The following SSC5D variants were observed in gnomAD, a reference collection of about 807,000 sequenced individuals.
SSC5D encodes the protein soluble scavenger receptor cysteine-rich domain-containing protein SSC5D.
Under a neutral mutation model 104.6 loss-of-function variants are expected in SSC5D, and 106 were observed. The ratio of observed to expected loss-of-function variants is 1.01; its 90% confidence interval spans 0.87 to 1.19. The LOEUF (loss-of-function observed/expected upper bound fraction) is 1.19, where lower values mean the gene tolerates loss of function less well. Among genes scored for constraint, SSC5D ranks in the 50% most tolerant of loss-of-function variants. SSC5D has a pLI of 0.00. For synonymous variants in SSC5D, 860 were observed against 883.5 expected (o/e 0.97, Z 0.47); for missense variants, 1,993 against 2,153.8 (o/e 0.93, Z 1.48).
At position 55,501,161 on chromosome 19, in the gene SSC5D, G is replaced by A. The variant is rs558355009; in HGVS notation, c.2745G>A (p.Pro915=). The part of the protein sequence containing the change: ...HTLPWRTTRR[P]GSSSPAIRRL... ...TCCCCTGGAGGACCACCCGGCGCCC[G>A]GGTAGCTCCTCCCCAGCAATAAGGC... The change falls in exon 12 of 14, where the codon CCG becomes CCA. Residue 915 remains proline, a synonymous_variant. Transcript: ENST00000389623. 3.4e-5 allele frequency: 53 copies of A among 1,546,252 alleles called. 1 individual carries two copies. The highest frequency in any genetic ancestry group is 9.6e-5 in the African/African-American group (7 of 72,904).
Position 55,518,748 on chromosome 19 carries a change from T to G in SSC5D, c.4472T>G (p.Val1491Gly), listed in dbSNP as rs924137364. 1.9e-6 allele frequency: 3 copies of G among 1,550,718 alleles called. No individual in the cohort carries two copies. The African/African-American group carries it at 4.1e-5, about 21-fold the overall frequency. Reference protein sequence around the residue: ...RVMACEPPALVELVAAVRDVG... With the variant: ...RVMACEPPALGELVAAVRDVG... ...ATGGCTTGTGAGCCACCTGCCCTGG[T>G]GGAGCTGGTGGCTGCTGTGAGGGAT... The change falls in exon 14 of 14, where the codon GTG becomes GGG. Residue 1491 changes from valine (V) to glycine (G), a missense_variant. Val to Gly is a moderately radical substitution (Grantham distance 109). Around this residue, in one of 6 missense-constraint regions of SSC5D, gnomAD observed 349 missense variants for 397.6 expected, o/e 0.88. Transcript: ENST00000389623.
At chr19:55,494,567 G>A in intron 7 of SSC5D, 43 bp from the exon 8 acceptor site, 1 of 1,464,358 alleles carries the variant, frequency 6.8e-7, no homozygotes, top group Admixed American at 2.5e-5. Flanking sequence ...CTCCGGGATG[G>A]AGGGTGTGTG....
At chr19:55,491,950 C>G (rs12463136) in intron 6 of SSC5D, 41,878 of 152,232 alleles carry the variant, frequency 0.28, 6,051 homozygotes, top group East Asian at 0.58. Flanking sequence ...GGACAGTACA[C>G]GGGCTGCAGG....
At chr19:55,511,580 G>T (rs1456918753) in intron 12 of SSC5D, among the ~76,000 whole-genome samples, 1 of 152,156 alleles carries the variant, frequency 6.6e-6, no homozygotes, top group Non-Finnish European at 1.5e-5. Context: ...TGAATCCCTG[G>T]GCTCATGGGT....
chr19:55,490,430 C>A, intron 5 of SSC5D, 22 bp downstream of exon 5: 1 of 630,592 alleles, frequency 1.6e-6, no homozygotes, highest in Non-Finnish European at 2.5e-6. Context: ...GCAGGCTCCC[C>A]CGACCCCAAG....
At position 55,490,797 on chromosome 19, in the gene SSC5D, C is replaced by G; in HGVS notation, c.612C>G (p.Pro204=). 7 of 1,543,738 alleles carry G rather than the reference C, an allele frequency of 4.5e-6. No homozygotes were observed. The highest frequency in any genetic ancestry group is 6.1e-6 in the Non-Finnish European group (7 of 1,144,818). Residue 204 remains proline, a synonymous_variant, in exon 6 of 14, where the codon CCC becomes CCG. Coordinates refer to ENST00000389623, the MANE Select transcript of SSC5D (RefSeq NM_001144950.2). ...RQERLRLVSG[P]HRCAGRLEVW... Reference sequence around the variant, plus strand: ...AGCGGCTGCGCCTGGTCTCTGGCCCCCACAGGTGCGCCGGACGCCTGGAGG... The same window carrying G: ...AGCGGCTGCGCCTGGTCTCTGGCCCGCACAGGTGCGCCGGACGCCTGGAGG...
At chr19:55,495,216 CATATATAT>C (rs748224114) in intron 8 of SSC5D, among the ~76,000 whole-genome samples, 1 of 8,424 alleles carries the variant, frequency 1.2e-4, no homozygotes, top group African/African-American at 3.3e-4. Context: ...TGCCTCCTTT[CATATATAT>C]ATATATATAT....
chr19:55,501,353 A>G (rs1169563754), intron 12 of SSC5D, among the ~76,000 whole-genome samples, 152 bp downstream of exon 12: 1 of 152,120 alleles, frequency 6.6e-6, no homozygotes, highest in Non-Finnish European at 1.5e-5. Context: ...CCCTAAACGC[A>G]TTACCTCCTT....
chr19:55,488,561 T>C lies in SSC5D; in HGVS notation c.-29T>C, dbSNP rs1310018615. 1 of 1,548,854 alleles carries C rather than the reference T, an allele frequency of 6.5e-7. No homozygotes were observed. Among genetic ancestry groups the C allele is most frequent in the South Asian group, 1.2e-5 (1 of 83,930 alleles). On this transcript the variant is annotated 5_prime_UTR_variant, in exon 1 of 14. Transcript: ENST00000389623. ...TTCTCTCCCCGCTCTCCTTCCCCTT[T>C]CACCCCATCCCCTGCCCTGGCTGCA...
chr19:55,514,628 G>A (rs1014346102), intron 13 of SSC5D, among the ~76,000 whole-genome samples: 4 of 150,300 alleles, frequency 2.7e-5, no homozygotes, highest in African/African-American at 9.8e-5. Context: ...AGAGAGAGAA[G>A]AAGGGAGGAA....
At chr19:55,509,805 G>T (rs1987713613) in intron 12 of SSC5D, among the ~76,000 whole-genome samples, 1 of 137,954 alleles carries the variant, frequency 7.2e-6, no homozygotes, top group Non-Finnish European at 1.5e-5. Context: ...GCTGCAGTGA[G>T]CCGAGATCTT....
In SSC5D at chr19:55,518,179, C is replaced by T; in HGVS notation, c.3903C>T (p.Pro1301=). 1 of 1,452,650 alleles carries T rather than the reference C, an allele frequency of 6.9e-7. No homozygotes were observed. Among genetic ancestry groups the T allele is most frequent in the Non-Finnish European group, 9.2e-7 (1 of 1,089,956 alleles). The allele number at this position is 1,452,650 out of a possible 1,614,324, so 90.0% of individuals were successfully genotyped here. ...TTPHPTTTPH[P]TMTPDPTTTP... is the part of the protein sequence containing the mutation. Reference sequence around the variant, plus strand: ...CTCACCCCACCACAACCCCTCACCCCACCATGACTCCTGACCCCACCACGA... The same window carrying T: ...CTCACCCCACCACAACCCCTCACCCTACCATGACTCCTGACCCCACCACGA... Residue 1301 remains proline (P), a synonymous_variant, in exon 14 of 14, where the codon CCC becomes CCT. Coordinates refer to ENST00000389623, the MANE Select transcript of SSC5D (RefSeq NM_001144950.2).
In SSC5D at chr19:55,517,241, T is replaced by C; in HGVS notation, c.2965T>C (p.Trp989Arg). 6.5e-7 allele frequency: 1 copy of C among 1,540,324 alleles called. No individual in the cohort carries two copies. The highest frequency in any genetic ancestry group is 8.7e-7 in the Non-Finnish European group (1 of 1,146,124). Residue 989 changes from tryptophan to arginine, a missense_variant, in exon 14 of 14, where the codon TGG becomes CGG. This residue lies in a region of SSC5D where 423 missense variants were observed against 409.2 expected (regional missense o/e 1.03). Coordinates refer to ENST00000389623, the MANE Select transcript of SSC5D (RefSeq NM_001144950.2). ...HGDTGSPRKP[W>R]PERRPPRPAA... ...TCCTCCAGGTTCCCCGAGGAAACCG[T>C]GGCCCGAGCGCCGGCCACCGCGGCC...
Position 55,519,009 on chromosome 19 carries a change from G to A in SSC5D, c.*11G>A. 1 of 1,549,638 alleles carries A rather than the reference G, an allele frequency of 6.5e-7. No homozygotes were observed. On this transcript the variant is annotated 3_prime_UTR_variant, in exon 14 of 14. Transcript: ENST00000389623. ...AGGGGAGACGTGTGACCCTCTCCAG[G>A]ATTTGAGGGGCTTAAGACACCCCCA...
At chr19:55,505,880 G>C (rs1015912198) in intron 12 of SSC5D, among the ~76,000 whole-genome samples, 3 of 151,714 alleles carry the variant, frequency 2.0e-5, no homozygotes, top group Non-Finnish European at 4.4e-5. Flanking sequence ...GGGATTACAG[G>C]CGTGTGCCAC....
At chr19:55,492,644 AT>A (rs1242581221) in intron 6 of SSC5D, 1 of 152,096 alleles carries the variant, frequency 6.6e-6, no homozygotes, top group Non-Finnish European at 1.5e-5. Flanking sequence ...TAGAACAGTG[AT>A]TGGGGGCAAT....
rs1987894650 is a variant in SSC5D at position 55,517,329 on chromosome 19, C to G, written c.3053C>G (p.Pro1018Arg). The stretch of plus-strand genomic sequence containing the variant: ...GGTCCCTCCGCCTCTCCGGGACCCC[C>G]AGGCCCAGCGCTGACCTCTGACTCC... ...SPGPSASPGP[P>R]GPALTSDSSR... is the part of the protein sequence containing the mutation. Residue 1018 changes from proline to arginine, a missense_variant, in exon 14 of 14, where the codon CCA becomes CGA. Around this residue, in one of 6 missense-constraint regions of SSC5D, gnomAD observed 423 missense variants for 409.2 expected, o/e 1.03. Coordinates refer to ENST00000389623, the MANE Select transcript of SSC5D (RefSeq NM_001144950.2). 2 of 1,550,140 alleles carry G rather than the reference C, an allele frequency of 1.3e-6. No individual in the cohort carries two copies. Among genetic ancestry groups the G allele is most frequent in the African/African-American group, 1.4e-5 (1 of 73,086 alleles).
intron 8 of SSC5D, 134 bp from the exon 9 acceptor site, chr19:55,497,746 G>A: frequency 1.1e-6 from 1 of 875,926 alleles, no homozygotes; most frequent in Non-Finnish European, 1.7e-6. Context: ...CTGCCTGGAG[G>A]AAAGGATGGA....
chr19:55,496,376 G>C (rs1987325152), intron 8 of SSC5D, among the ~76,000 whole-genome samples: 1 of 152,176 alleles, frequency 6.6e-6, no homozygotes, highest in Non-Finnish European at 1.5e-5. Context: ...AAATAAAAAG[G>C]CGTGGTTAAC....
Sources: allele counts gnomAD v4.1 joint callset (sites outside exome capture counted in the v4.1 genomes callset), GRCh38; gene constraint gnomAD v4.1.1; regional missense constraint gnomAD v4.1.1; transcripts MANE v1.5; gene names NCBI Gene and HGNC (gene_info 2026-07-23, HGNC 2026-07-21).